CYFIP2: variants seen among roughly 807,000 people sequenced by gnomAD.
CYFIP2 encodes the protein cytoplasmic FMR1 interacting protein 2.
In CYFIP2, 29 loss-of-function variants were observed where a neutral mutation model predicts 158.7. That is an observed-to-expected ratio of 0.18 (90% confidence interval 0.14 to 0.25). The LOEUF is 0.25. Ranked by LOEUF, CYFIP2 falls within the 10% of genes least tolerant of loss-of-function variation. The pLI is 1.00. For synonymous variants in CYFIP2, 585 were observed against 617.6 expected, an observed-to-expected ratio of 0.95 and a Z score of 0.78; for missense variants, 852 against 1,639.5, an observed-to-expected ratio of 0.52 and a Z score of 8.29.
chr5:157,360,172 C>T, intron 24 of CYFIP2, 110 bp from the exon 25 acceptor site: 1 of 834,806 alleles, frequency 1.2e-6, no homozygotes, highest in Admixed American at 2.5e-5. Flanking sequence ...AGGGACTGTT[C>T]CCCGCCTTTA....
At chr5:157,362,315 A>C (rs897814796) in intron 26 of CYFIP2, among the ~76,000 whole-genome samples, 2 of 152,220 alleles carry the variant, frequency 1.3e-5, no homozygotes, top group African/African-American at 4.8e-5. Context: ...TGAGGTCTGC[A>C]TGCATGCCAG....
intron 26 of CYFIP2, chr5:157,377,074 T>TC: frequency 3.2e-6 from 1 of 315,864 alleles, no homozygotes; most frequent in South Asian, 2.5e-5. Context: ...CTTCCTTCTA[T>TC]CTCCTTTGCC....
At chr5:157,318,167 CTT>C (rs1167815335) in intron 13 of CYFIP2, among the ~76,000 whole-genome samples, 2 of 152,184 alleles carry the variant, frequency 1.3e-5, no homozygotes, top group Admixed American at 6.5e-5. Flanking sequence ...TCATCAGTGA[CTT>C]TGCCTTTTCA....
intron 28 of CYFIP2, among the ~76,000 whole-genome samples, chr5:157,385,172 G>A (rs751415104): frequency 9.9e-5 from 15 of 152,200 alleles, no homozygotes; most frequent in East Asian, 1.9e-4. Context: ...CTCTCACTCC[G>A]AAGTCTGGCA....
intron 23 of CYFIP2, chr5:157,343,217 AC>A: frequency 6.2e-7 from 1 of 1,614,214 alleles, no homozygotes; most frequent in Non-Finnish European, 8.5e-7. Flanking sequence ...CTGGGGGTCT[AC>A]CAGGGAGCTT....
At chr5:157,307,391 T>A (rs926889181) in intron 8 of CYFIP2, among the ~76,000 whole-genome samples, 2 of 152,224 alleles carry the variant, frequency 1.3e-5, no homozygotes, top group Non-Finnish European at 2.9e-5. Context: ...TGTGTGGCCT[T>A]GGCGAGCTGT....
rs58939164 is a variant in CYFIP2, at chr5:157,274,129, T to TAA, written c.-24+7953_-24+7954dup. On this transcript the variant is annotated intron_variant, in intron 1 of 30. Coordinates refer to ENST00000620254, the MANE Select transcript of CYFIP2 (RefSeq NM_001037333.3). ...TGGGGAACAAGAGTGAAACTCTGTG[T>TAA]AAAAAAAAAAAAAAAAAAAACCGTT... 1.1e-3 allele frequency among the ~76,000 whole-genome samples: 134 copies of TAA among 123,196 alleles called. 1 individual carries two copies. The highest frequency in any genetic ancestry group is 3.8e-3 in the African/African-American group (121 of 31,788). The allele number at this position is 123,196 out of a possible 152,430, so 80.8% of individuals were successfully genotyped here.
intron 14 of CYFIP2, 57 bp downstream of exon 14, chr5:157,319,985 CAG>C: frequency 1.9e-6 from 3 of 1,582,690 alleles, no homozygotes; most frequent in African/African-American, 2.7e-5. Context: ...AGGTACCCAT[CAG>C]AGAGGATGTC....
intron 10 of CYFIP2, among the ~76,000 whole-genome samples, chr5:157,310,581 G>A (rs752371911): frequency 1.4e-4 from 22 of 152,244 alleles, no homozygotes; most frequent in Admixed American, 2.0e-4. Context: ...GGCTGCTAGC[G>A]CGTGACGGGG....
chr5:157,274,960 G>T (rs988034424), intron 1 of CYFIP2, among the ~76,000 whole-genome samples: 4 of 151,512 alleles, frequency 2.6e-5, no homozygotes, highest in African/African-American at 9.7e-5. Context: ...TTTTTTTGTA[G>T]AAACAGGGTA....
intron 8 of CYFIP2, 48 bp from the exon 9 acceptor site, chr5:157,307,713 T>C: frequency 1.6e-6 from 2 of 1,232,572 alleles, no homozygotes; most frequent in Non-Finnish European, 2.3e-6. Flanking sequence ...TTTAAACTTT[T>C]CCAGCAGATG....
chr5:157,304,750 A>G (rs186669120), intron 8 of CYFIP2: 46 of 162,990 alleles, frequency 2.8e-4, no homozygotes, highest in Non-Finnish European at 5.2e-4. Context: ...CTCAAAGGGA[A>G]AAACAGAATA....
intron 3 of CYFIP2, among the ~76,000 whole-genome samples, chr5:157,292,669 A>G (rs187792103): frequency 1.8e-4 from 27 of 152,264 alleles, no homozygotes; most frequent in African/African-American, 6.0e-4. Context: ...TATTTTGAAT[A>G]ATGCTGCTAT....
chr5:157,376,885 T>C (rs778860916), intron 26 of CYFIP2: 1 of 456,256 alleles, frequency 2.2e-6, no homozygotes, highest in Non-Finnish European at 4.4e-6. Context: ...ACATCTTCTC[T>C]TCCGTGTCCA....
At chr5:157,323,893 A>G in intron 15 of CYFIP2, 28 bp from the exon 16 acceptor site, 1 of 1,523,098 alleles carries the variant, frequency 6.6e-7, no homozygotes. Context: ...CCAGCTTCTG[A>G]CCTTCTCATC....
intron 15 of CYFIP2, chr5:157,322,903 C>T (rs1210864059): frequency 2.7e-6 from 4 of 1,500,804 alleles, no homozygotes; most frequent in African/African-American, 2.8e-5. Context: ...CTCTCCTGCC[C>T]TCCCATTCCC....
At chr5:157,358,842 CCTCT>C (rs756287399) in intron 23 of CYFIP2, among the ~76,000 whole-genome samples, 159 bp from the exon 24 acceptor site, 1 of 152,206 alleles carries the variant, frequency 6.6e-6, no homozygotes, top group Non-Finnish European at 1.5e-5. Context: ...ACTGACCACA[CCTCT>C]CTCTATGACC....
At chr5:157,314,713 G>T (rs575269636) in intron 12 of CYFIP2, among the ~76,000 whole-genome samples, 1 of 152,070 alleles carries the variant, frequency 6.6e-6, no homozygotes, top group Non-Finnish European at 1.5e-5. Flanking sequence ...CATCTCCCTA[G>T]CCCTGAGCAA....
At chr5:157,373,774 TG>T (rs1300661953) in intron 26 of CYFIP2, among the ~76,000 whole-genome samples, 2 of 152,206 alleles carry the variant, frequency 1.3e-5, no homozygotes, top group Non-Finnish European at 2.9e-5. Context: ...AGAGAAGAAC[TG>T]GGCAGTTCAA....
Sources: gnomAD v4.1 joint callset for allele counts (sites outside exome capture counted in the v4.1 genomes callset) on GRCh38, gnomAD v4.1.1 for gene constraint, MANE v1.5 for transcripts, NCBI Gene and HGNC (gene_info 2026-07-23, HGNC 2026-07-21) for gene names.